DISC1: variants seen among roughly 807,000 people sequenced by gnomAD.
DISC1 encodes disrupted in schizophrenia 1 protein.
DISC1 carries 57 observed loss-of-function variants against 84.5 expected under a neutral mutation model. The observed-to-expected ratio is 0.67, with a 90% CI of 0.55 to 0.84. The LOEUF is 0.84. Among genes scored for constraint, DISC1 ranks in the 40% least tolerant of loss-of-function variants. The pLI, the probability that DISC1 is intolerant of heterozygous loss-of-function variation, is 0.00. For synonymous variants in DISC1, 411 were observed against 415.2 expected (o/e 0.99, Z 0.12); for missense variants, 1,000 against 1,057.8 (o/e 0.95, Z 0.76).
chr1:231,689,202 G>T (rs774931943), intron 1 of DISC1, among the ~76,000 whole-genome samples: 1 of 152,072 alleles, frequency 6.6e-6, no homozygotes, highest in Non-Finnish European at 1.5e-5. Flanking sequence ...TTGTAAAGTC[G>T]TGTTCTTCTC....
Position 232,036,882 on chromosome 1 carries a change from G to A in DISC1, c.*51G>A. ...TGGGCCACCATGTTTGGACCCGGGG[G>A]GCTGCTCTTCCCTCCCCCGCCATAG... On this transcript the variant is annotated 3_prime_UTR_variant, in exon 13 of 13. Coordinates refer to ENST00000439617, the MANE Select transcript of DISC1 (RefSeq NM_018662.3). 1.4e-6 allele frequency: 2 copies of A among 1,443,402 alleles called. No individual in the cohort carries two copies. Among genetic ancestry groups the A allele is most frequent in the Non-Finnish European group, 1.9e-6 (2 of 1,080,704 alleles). 89.4% of individuals were successfully genotyped at this position (1,443,402 alleles called of 1,614,324 possible).
chr1:231,850,137 G>A (rs2083786193), intron 9 of DISC1, among the ~76,000 whole-genome samples: 1 of 152,244 alleles, frequency 6.6e-6, no homozygotes. Flanking sequence ...AACTCTGGTA[G>A]TGTGCCAAGA....
intron 1 of DISC1, among the ~76,000 whole-genome samples, chr1:231,634,089 G>A (rs1192505474): frequency 6.6e-6 from 1 of 151,986 alleles, no homozygotes; most frequent in Non-Finnish European, 1.5e-5. Context: ...TCACCATGTC[G>A]GCCAGGCTGG....
intron 1 of DISC1, among the ~76,000 whole-genome samples, chr1:231,662,232 C>T (rs1218407417): frequency 6.6e-6 from 1 of 152,200 alleles, no homozygotes; most frequent in African/African-American, 2.4e-5. Context: ...GGAATGGTAT[C>T]AGGGACCCAT....
chr1:231,772,369 C>T (rs1174644220), intron 6 of DISC1, among the ~76,000 whole-genome samples: 2 of 152,230 alleles, frequency 1.3e-5, no homozygotes, highest in East Asian at 1.9e-4. Flanking sequence ...GCAGTAAGGA[C>T]TGCAAGTGCT....
At chr1:231,795,808 T>A (rs1179961205) in intron 7 of DISC1, among the ~76,000 whole-genome samples, 1 of 152,070 alleles carries the variant, frequency 6.6e-6, no homozygotes, top group Non-Finnish European at 1.5e-5. Flanking sequence ...AGAATTGCTT[T>A]AACCCAGGTG....
chr1:231,988,948 A>C (rs1056218798), intron 10 of DISC1, among the ~76,000 whole-genome samples: 2 of 152,188 alleles, frequency 1.3e-5, no homozygotes, highest in Non-Finnish European at 2.9e-5. Context: ...CTTGATTGTC[A>C]CATTGACCAG....
rs2081890519 is a variant in DISC1, at chr1:231,826,810, G to T, written c.1981+8293G>T. On this transcript the variant is annotated intron_variant, in intron 9 of 12. Transcript: ENST00000439617. The surrounding 1 kb of genome is among the most constrained non-coding windows in gnomAD (Gnocchi z 4.2). ...TTCCTTTGTATTCCTATAAGTAAAT[G>T]CATTGGTTATTAGATTGATACATTA... Among the ~76,000 whole-genome samples the T allele has an allele frequency of 6.6e-6, 1 of 152,170 alleles. No individual in the cohort carries two copies.
intron 3 of DISC1, among the ~76,000 whole-genome samples, chr1:231,704,399 G>A (rs997073090): frequency 2.0e-5 from 3 of 152,086 alleles, no homozygotes; most frequent in African/African-American, 4.8e-5. Context: ...AGTATCCATC[G>A]TATACAACAG....
intron 10 of DISC1, among the ~76,000 whole-genome samples, chr1:231,987,281 C>A (rs1202139194): frequency 7.1e-6 from 1 of 141,286 alleles, no homozygotes; most frequent in Non-Finnish European, 1.6e-5. Flanking sequence ...TCTACCTGCC[C>A]CTGAAAGATT....
In DISC1 at chr1:232,038,106, G is replaced by C. The variant is rs992820921; in HGVS notation, c.*1275G>C. 2 of 152,374 alleles carry C rather than the reference G, an allele frequency of 1.3e-5. No individual in the cohort carries two copies. The highest frequency in any genetic ancestry group is 2.4e-5 in the African/African-American group (1 of 41,470). 9.4% of individuals were successfully genotyped at this position (152,374 alleles called of 1,614,324 possible). The stretch of plus-strand genomic sequence containing the variant: ...GTGCAGTGCTCAATAAGGCAGTGCA[G>C]TGCTCAGTAAGGCAGTGAATTGCTT... On this transcript the variant is annotated 3_prime_UTR_variant, in exon 13 of 13. Coordinates refer to ENST00000439617, the MANE Select transcript of DISC1 (RefSeq NM_018662.3).
At chr1:231,938,641 A>G (rs1030047851) in intron 9 of DISC1, among the ~76,000 whole-genome samples, 1 of 152,228 alleles carries the variant, frequency 6.6e-6, no homozygotes, top group African/African-American at 2.4e-5. Flanking sequence ...CCTCTGACCT[A>G]CAGAACCATG....
intron 1 of DISC1, among the ~76,000 whole-genome samples, chr1:231,671,555 A>G (rs1572709294): frequency 6.6e-6 from 1 of 152,160 alleles, no homozygotes; most frequent in South Asian, 2.1e-4. Context: ...AGCTCAACAC[A>G]TGCTTGAACT....
chr1:231,685,600 C>T (rs1350105669), intron 1 of DISC1, among the ~76,000 whole-genome samples: 13 of 152,254 alleles, frequency 8.5e-5, no homozygotes, highest in Admixed American at 8.5e-4. Flanking sequence ...CTGTAGGCGC[C>T]TGCCACCATG....
intron 3 of DISC1, among the ~76,000 whole-genome samples, chr1:231,732,472 A>G (rs1001834635): frequency 1.3e-5 from 2 of 152,272 alleles, no homozygotes; most frequent in African/African-American, 4.8e-5. Context: ...TTAAAAAATT[A>G]TTTAAACAAT....
intron 9 of DISC1, among the ~76,000 whole-genome samples, chr1:231,831,895 C>A (rs61022807): frequency 0.58 from 87,219 of 149,354 alleles, 23,471 homozygotes; most frequent in Non-Finnish European, 0.62. Context: ...GATGTGGAAG[C>A]TACTATAGCA....
At chr1:231,938,001 C>T (rs1221812657) in intron 9 of DISC1, among the ~76,000 whole-genome samples, 5 of 152,060 alleles carry the variant, frequency 3.3e-5, no homozygotes, top group African/African-American at 1.2e-4. Context: ...CTGACCACTC[C>T]ATCTCTGTTC....
intron 2 of DISC1, 21 bp from the exon 3 acceptor site, chr1:231,701,934 T>G (rs780163921): frequency 3.8e-6 from 6 of 1,575,532 alleles, no homozygotes; most frequent in Non-Finnish European, 3.5e-6. Flanking sequence ...TTTTTATTTT[T>G]TCCCCTTTAA....
chr1:231,903,037 TCCTCTTCCTCCTCCA>T, intron 9 of DISC1, among the ~76,000 whole-genome samples: 1 of 151,302 alleles, frequency 6.6e-6, no homozygotes, highest in South Asian at 2.1e-4. Flanking sequence ...TTCCTCCTCC[TCCTCTTCCTCCTCCA>T]CCTTTTCTCT....
Sources: allele counts gnomAD v4.1 joint callset (sites outside exome capture counted in the v4.1 genomes callset), GRCh38; gene constraint gnomAD v4.1.1; non-coding constraint Gnocchi (gnomAD v3.1); transcripts MANE v1.5; gene names NCBI Gene and HGNC (gene_info 2026-07-23, HGNC 2026-07-21).